The following ATXN10 variants were observed in gnomAD, a reference collection of about 807,000 sequenced individuals.
The protein encoded by ATXN10 is ataxin-10.
Under a neutral mutation model 52.9 loss-of-function variants are expected in ATXN10, and 28 were observed. The ratio of observed to expected loss-of-function variants is 0.53; its 90% CI spans 0.39 to 0.73. The LOEUF (loss-of-function observed/expected upper bound fraction) is 0.73. Among genes scored for constraint, ATXN10 ranks in the 30% least tolerant of loss-of-function variants. The probability of loss-of-function intolerance (pLI) is 0.00; values close to 1 mark genes in which losing one functional copy is unlikely to be tolerated. For synonymous variants in ATXN10, 226 were observed against 221.5 expected (o/e 1.02, Z -0.18); for missense variants, 565 against 577.0 (o/e 0.98, Z 0.21).
At chr22:45,721,820 C>G (rs540934861) in intron 6 of ATXN10, among the ~76,000 whole-genome samples, 6 of 152,238 alleles carry the variant, frequency 3.9e-5, no homozygotes, top group Admixed American at 2.6e-4. Context: ...GAGGCTAAGC[C>G]AGGAGAATCA....
chr22:45,724,870 G>A (rs966793014), intron 6 of ATXN10, among the ~76,000 whole-genome samples: 2 of 152,000 alleles, frequency 1.3e-5, no homozygotes, highest in Non-Finnish European at 2.9e-5. Flanking sequence ...TTTTCTACCT[G>A]TGGCTATCCA....
intron 10 of ATXN10, among the ~76,000 whole-genome samples, chr22:45,838,271 G>T (rs1375465083): frequency 6.6e-6 from 1 of 152,108 alleles, no homozygotes; most frequent in Non-Finnish European, 1.5e-5. Flanking sequence ...GCCCTGTGTT[G>T]AACCAGCTGA....
In ATXN10 at chr22:45,732,225, G is replaced by A. The variant is rs1360943175; in HGVS notation, c.894+2635G>A. On this transcript the variant is annotated intron_variant, in intron 7 of 11. Transcript: ENST00000252934. The surrounding 1 kb of genome is among the most constrained non-coding windows in gnomAD (Gnocchi z 4.5). ...CCAATACTTTGGGACGCCAAGGCGT[G>A]GGAGGATTGCTTAAGCCCAGGAGTT... Among the ~76,000 whole-genome samples, 2 of 152,166 alleles carry A rather than the reference G, an allele frequency of 1.3e-5. No individual in the cohort carries two copies. The highest frequency in any genetic ancestry group is 2.9e-5 in the Non-Finnish European group (2 of 68,026).
intron 10 of ATXN10, among the ~76,000 whole-genome samples, chr22:45,834,980 T>C (rs1649654162): frequency 6.6e-6 from 1 of 152,186 alleles, no homozygotes; most frequent in Non-Finnish European, 1.5e-5. Context: ...CTGAAACCTG[T>C]GTGTGATGGG....
In ATXN10 at chr22:45,826,070, AAC is replaced by A. The variant is rs1928805876; in HGVS notation, c.1238-16919_1238-16918del. 6.6e-6 allele frequency among the ~76,000 whole-genome samples: 1 copy of A among 152,190 alleles called. No individual in the cohort carries two copies. The highest frequency in any genetic ancestry group is 2.1e-4 in the South Asian group (1 of 4,820). On this transcript the variant is annotated intron_variant, in intron 10 of 11. Transcript: ENST00000252934. The surrounding 1 kb of genome is among the most constrained non-coding windows in gnomAD (Gnocchi z 5.0). ...GAGCCAGGCCCTGTCTCTAAATCAA[AAC>A]AAAACAAAAAGCCCAATATGGACAA...
At chr22:45,751,892 A>G (rs1176932307) in intron 9 of ATXN10, among the ~76,000 whole-genome samples, 7 of 148,532 alleles carry the variant, frequency 4.7e-5, no homozygotes, top group Admixed American at 4.0e-4. Flanking sequence ...TAAGAGGATC[A>G]AAGTTATGTT....
At chr22:45,736,910 T>G (rs1397500492) in intron 7 of ATXN10, among the ~76,000 whole-genome samples, 1 of 152,178 alleles carries the variant, frequency 6.6e-6, no homozygotes, top group Non-Finnish European at 1.5e-5. Context: ...TATTGTTCAT[T>G]TTTTGTTTAT....
At chr22:45,745,912 G>A (rs538157467) in intron 9 of ATXN10, among the ~76,000 whole-genome samples, 9 of 152,046 alleles carry the variant, frequency 5.9e-5, no homozygotes, top group Non-Finnish European at 1.3e-4. Context: ...AATTTACAAA[G>A]ACTAGTAAAA....
chr22:45,718,520 A>T lies in ATXN10; in HGVS notation c.728+27A>T. On this transcript the variant is annotated intron_variant, in intron 6 of 11. Transcript: ENST00000252934. This position sits in a 1 kb window ranked among gnomAD's most constrained non-coding sequence, Gnocchi z 4.4. Reference sequence around the variant, plus strand: ...TAACCCCCCAACCAGCGTGGTCTGGAGTATTTAGCATTCCATATAGGGTAT... The same window carrying T: ...TAACCCCCCAACCAGCGTGGTCTGGTGTATTTAGCATTCCATATAGGGTAT... 6.3e-7 allele frequency: 1 copy of T among 1,578,372 alleles called. No homozygotes were observed. The highest frequency in any genetic ancestry group is 2.2e-5 in the East Asian group (1 of 44,682).
chr22:45,792,047 T>C (rs751506210), intron 9 of ATXN10, among the ~76,000 whole-genome samples: 1 of 152,202 alleles, frequency 6.6e-6, no homozygotes, highest in Non-Finnish European at 1.5e-5. Context: ...GCATTCCAAA[T>C]GTTAATAAAC....
chr22:45,673,128 A>G (rs1000766063), intron 1 of ATXN10: 4 of 152,214 alleles, frequency 2.6e-5, no homozygotes, highest in African/African-American at 4.8e-5. Flanking sequence ...ATACCTGTAC[A>G]TAGCACTAAA....
intron 9 of ATXN10, among the ~76,000 whole-genome samples, chr22:45,742,183 C>T (rs1925561929): frequency 6.6e-6 from 1 of 151,172 alleles, no homozygotes; most frequent in South Asian, 2.1e-4. Flanking sequence ...AATAATTGCC[C>T]TCTAAAAAAA....
rs539489350 is a variant in ATXN10, at chr22:45,759,810, C to T, written c.1173+19272C>T. 5.3e-5 allele frequency among the ~76,000 whole-genome samples: 8 copies of T among 152,310 alleles called. No homozygotes were observed. In the South Asian group the frequency reaches 1.7e-3, roughly 32 times the overall value. ...AGTCAGCACTGTCCATCGCTTGCTT[C>T]TCTCTCTTTCTAATTTACATACAGC... On this transcript the variant is annotated intron_variant, in intron 9 of 11. Coordinates refer to ENST00000252934, the MANE Select transcript of ATXN10 (RefSeq NM_013236.4). This position sits in a 1 kb window ranked among gnomAD's most constrained non-coding sequence, Gnocchi z 5.4.
chr22:45,684,946 T>A lies in ATXN10; in HGVS notation c.117-4766T>A, dbSNP rs1453031484. On this transcript the variant is annotated intron_variant, in intron 1 of 11. Coordinates refer to ENST00000252934, the MANE Select transcript of ATXN10 (RefSeq NM_013236.4). This position sits in a 1 kb window ranked among gnomAD's most constrained non-coding sequence, Gnocchi z 4.1. ...TGATTGTTGTTTTAATCTGTGAACT[T>A]GTGTGGATTTTAATAGTTTTTCTCA... is the stretch of plus-strand genomic sequence containing the variant. Among the ~76,000 whole-genome samples, 2 of 152,240 alleles carry A rather than the reference T, an allele frequency of 1.3e-5. No individual in the cohort carries two copies. Among genetic ancestry groups the A allele is most frequent in the Non-Finnish European group, 2.9e-5 (2 of 68,048 alleles).
In ATXN10 at chr22:45,780,939, A is replaced by G. The variant is rs117007193; in HGVS notation, c.1174-26020A>G. Among the ~76,000 whole-genome samples, 54 of 152,292 alleles carry G rather than the reference A, an allele frequency of 3.5e-4. No individual in the cohort carries two copies. The East Asian group carries it at 9.8e-3, about 28-fold the overall frequency. ...ACTAGCAAGGGGCCTTGAGACTCAG[A>G]AACGATAAGGTGGCAAGTTCCCTGG... On this transcript the variant is annotated intron_variant, in intron 9 of 11. Transcript: ENST00000252934. This position sits in a 1 kb window ranked among gnomAD's most constrained non-coding sequence, Gnocchi z 4.0.
chr22:45,736,983 C>T (rs1925322429), intron 7 of ATXN10, among the ~76,000 whole-genome samples: 1 of 152,180 alleles, frequency 6.6e-6, no homozygotes, highest in African/African-American at 2.4e-5. Context: ...GTGAGGTACA[C>T]TGGATGAAGA....
chr22:45,815,713 T>C (rs1928436243), intron 10 of ATXN10, among the ~76,000 whole-genome samples: 1 of 152,166 alleles, frequency 6.6e-6, no homozygotes, highest in Non-Finnish European at 1.5e-5. Context: ...TTAAAGTAGC[T>C]GGTCCAAGCT....
At position 45,769,776 on chromosome 22, in the gene ATXN10, C is replaced by T. The variant is rs564424891; in HGVS notation, c.1173+29238C>T. On this transcript the variant is annotated intron_variant, in intron 9 of 11. Coordinates refer to ENST00000252934, the MANE Select transcript of ATXN10 (RefSeq NM_013236.4). This position sits in a 1 kb window ranked among gnomAD's most constrained non-coding sequence, Gnocchi z 4.2. ...CCTGACAAGATGTCTGCCAGGTGCT[C>T]AGAAAATATCTGATGAATGAATTTA... 2.5e-4 allele frequency among the ~76,000 whole-genome samples: 38 copies of T among 152,204 alleles called. No homozygotes were observed. Among genetic ancestry groups the T allele is most frequent in the African/African-American group, 9.2e-4 (38 of 41,524 alleles).
At chr22:45,793,187 A>G in intron 9 of ATXN10, 1 of 159,292 alleles carries the variant, frequency 6.3e-6, no homozygotes, top group South Asian at 1.9e-4. Flanking sequence ...ATAACCATTA[A>G]ATTAGATAAA....
Sources: allele counts gnomAD v4.1 joint callset (sites outside exome capture counted in the v4.1 genomes callset), GRCh38; gene constraint gnomAD v4.1.1; non-coding constraint Gnocchi (gnomAD v3.1); transcripts MANE v1.5; gene names NCBI Gene and HGNC (gene_info 2026-07-23, HGNC 2026-07-21).